The following BAZ2A variants were observed in gnomAD, a reference collection of about 807,000 sequenced individuals.
BAZ2A encodes bromodomain adjacent to zinc finger domain protein 2A.
A neutral mutation model predicts 199.9 loss-of-function variants in BAZ2A; 34 were observed. That is an observed-to-expected ratio of 0.17 (90% confidence interval 0.13 to 0.23). BAZ2A has a LOEUF of 0.23. Among genes scored for constraint, BAZ2A ranks in the 10% least tolerant of loss-of-function variants. The probability of loss-of-function intolerance (pLI) is 1.00; values close to 1 mark genes in which losing one functional copy is unlikely to be tolerated. For synonymous variants in BAZ2A, 857 were observed against 883.9 expected (o/e 0.97, Z 0.54); for missense variants, 2,002 against 2,391.1 (o/e 0.84, Z 3.39).
At chr12:56,614,959 TCC>T (rs568686590) in intron 3 of BAZ2A, 53 bp downstream of exon 3, 2 of 1,507,698 alleles carry the variant, frequency 1.3e-6, no homozygotes, top group Non-Finnish European at 1.8e-6. Flanking sequence ...AAAGCCACTA[TCC>T]CCCCCGAGCT....
chr12:56,633,585 G>T (rs963486844), upstream of BAZ2A, among the ~76,000 whole-genome samples: 3 of 152,140 alleles, frequency 2.0e-5, no homozygotes, highest in African/African-American at 7.2e-5. Flanking sequence ...CTAGCAGGGA[G>T]ATGGCTCTTA....
chr12:56,627,957 A>C (rs1166922867), intron 1 of BAZ2A, among the ~76,000 whole-genome samples: 1 of 151,766 alleles, frequency 6.6e-6, no homozygotes, highest in Non-Finnish European at 1.5e-5. Context: ...CGAGGTGGGT[A>C]GATCACCTGA....
chr12:56,609,658 C>G, intron 10 of BAZ2A, 78 bp downstream of exon 10: 2 of 1,412,182 alleles, frequency 1.4e-6, no homozygotes, highest in South Asian at 2.5e-5. Context: ...CCTGGGAAAT[C>G]CAGGTATTAG....
At chr12:56,618,045 T>C (rs74990611) in intron 1 of BAZ2A, among the ~76,000 whole-genome samples, 2,270 of 152,270 alleles carry the variant, frequency 0.015, 67 homozygotes, top group African/African-American at 0.052. Context: ...ATCCTATCCA[T>C]AGCCCTAGAT....
chr12:56,630,329 G>C (rs1435947594), upstream of BAZ2A: 15 of 977,798 alleles, frequency 1.5e-5, no homozygotes, highest in South Asian at 2.4e-4. Flanking sequence ...GGAGGAGTGA[G>C]TCGGAGCCGG....
rs1232458623 is a variant in BAZ2A, at chr12:56,605,063, T to C, written c.2748+10A>G. The C allele has an allele frequency of 6.3e-7, 1 of 1,591,186 alleles. No individual in the cohort carries two copies. The highest frequency in any genetic ancestry group is 1.1e-5 in the South Asian group (1 of 88,810). ...TTGTCCTGGTTACTTTGGGAGGGACTTGCACTCACCTGACAGTAGGAGGGA... is the reference window on the plus strand; with the variant it reads ...TTGTCCTGGTTACTTTGGGAGGGACCTGCACTCACCTGACAGTAGGAGGGA... On this transcript the variant is annotated intron_variant, in intron 14 of 28. Transcript: ENST00000549884.
At chr12:56,604,088 C>A in intron 16 of BAZ2A, 129 bp downstream of exon 16, 1 of 840,492 alleles carries the variant, frequency 1.2e-6, no homozygotes. Flanking sequence ...CTAAACCATC[C>A]TGGGCCCTGG....
chr12:56,605,703 G>T (rs1950325379), intron 13 of BAZ2A, 127 bp downstream of exon 13: 2 of 1,085,646 alleles, frequency 1.8e-6, no homozygotes, highest in South Asian at 1.7e-5. Flanking sequence ...ATTACAGTGT[G>T]AGCCATGGCA....
intron 1 of BAZ2A, among the ~76,000 whole-genome samples, chr12:56,629,252 C>CCGT (rs1229796323): frequency 6.6e-6 from 1 of 152,142 alleles, no homozygotes; most frequent in Admixed American, 6.5e-5. Flanking sequence ...GCTATCCCCT[C>CCGT]CGTCGTCCCC....
At position 56,630,257 on chromosome 12, in the gene BAZ2A, G is replaced by A. The variant is rs1951265506; in HGVS notation, c.-135C>T. On this transcript the variant is annotated 5_prime_UTR_variant, in exon 1 of 29. Coordinates refer to ENST00000549884, the MANE Select transcript of BAZ2A (RefSeq NM_001300905.2). ...GAGGGGGTCTGGGGTCCGGGGTTCG[G>A]GAAGGGGGAGGGGGACGCGGCTCAA... The A allele has an allele frequency of 1.6e-5, 16 of 983,204 alleles. No individual in the cohort carries two copies. Among genetic ancestry groups the A allele is most frequent in the Non-Finnish European group, 1.8e-5 (15 of 827,924 alleles). 60.9% of individuals were successfully genotyped at this position (983,204 alleles called of 1,614,324 possible). A position where few individuals can be genotyped will look rare whatever the true frequency, so the allele number is the denominator to read the frequency against.
At position 56,612,237 on chromosome 12, in the gene BAZ2A, A is replaced by G. The variant is rs1228646689; in HGVS notation, c.1145T>C (p.Phe382Ser). Residue 382 changes from phenylalanine (F) to serine (S), a missense_variant, in exon 6 of 29, where the codon TTT becomes TCT. This residue lies in a region of BAZ2A where 641 missense variants were observed against 694.5 expected (regional missense o/e 0.92). Transcript: ENST00000549884. Reference sequence around the variant, plus strand: ...AGCGTCACTACCATTATTCAGGTCAAAGCTGTTATCTAGAATCCAAAGGGA... The same window carrying G: ...AGCGTCACTACCATTATTCAGGTCAGAGCTGTTATCTAGAATCCAAAGGGA... ...LGESVLQDNS[F>S]DLNNGSDAEQ... is the part of the protein sequence containing the mutation. 2 of 1,613,070 alleles carry G rather than the reference A, an allele frequency of 1.2e-6. No homozygotes were observed. Among genetic ancestry groups the G allele is most frequent in the East Asian group, 4.5e-5 (2 of 44,874 alleles).
At chr12:56,610,629 G>C (rs1482502228) in intron 7 of BAZ2A, 112 bp from the exon 8 acceptor site, 4 of 892,306 alleles carry the variant, frequency 4.5e-6, no homozygotes, top group Middle Eastern at 2.3e-4. Flanking sequence ...TGTATCTCTA[G>C]AACTGCATGC....
At chr12:56,638,020 C>A (rs76051986), upstream of BAZ2A, among the ~76,000 whole-genome samples, 191 of 152,248 alleles carry the variant, frequency 1.3e-3, 4 homozygotes, top group African/African-American at 4.5e-3. Flanking sequence ...CACCTGTAGC[C>A]CCAGCTACTC....
chr12:56,602,964 A>C (rs1950226616), intron 18 of BAZ2A, 107 bp from the exon 19 acceptor site: 1 of 1,281,854 alleles, frequency 7.8e-7, no homozygotes, highest in Admixed American at 2.4e-5. Context: ...CCCTCTATAA[A>C]AGTGATGCCA....
At chr12:56,614,571 G>A (rs964549393) in intron 3 of BAZ2A, among the ~76,000 whole-genome samples, 2 of 152,182 alleles carry the variant, frequency 1.3e-5, no homozygotes, top group African/African-American at 4.8e-5. Flanking sequence ...GACAAATAAT[G>A]ATATGCTCTG....
At position 56,595,819 on chromosome 12, in the gene BAZ2A, G is replaced by A. The variant is rs1404836452; in HGVS notation, c.*2799C>T. ...CATCCACACAGAGGGTATGGAACAG[G>A]AGCCCCTGTTGTTCCCTTGCCTGTG... On this transcript the variant is annotated 3_prime_UTR_variant, in exon 29 of 29. Coordinates refer to ENST00000549884, the MANE Select transcript of BAZ2A (RefSeq NM_001300905.2). 6.6e-6 allele frequency: 1 copy of A among 152,588 alleles called. No homozygotes were observed. The highest frequency in any genetic ancestry group is 1.5e-5 in the Non-Finnish European group (1 of 68,062). 9.5% of individuals were successfully genotyped at this position (152,588 alleles called of 1,614,324 possible). A position where few individuals can be genotyped will look rare whatever the true frequency, so the allele number is the denominator to read the frequency against.
intron 27 of BAZ2A, 23 bp downstream of exon 27, chr12:56,599,106 C>T (rs1175909057): frequency 6.2e-7 from 1 of 1,601,234 alleles, no homozygotes; most frequent in Non-Finnish European, 8.5e-7. Context: ...GCCAACTGTC[C>T]CCCCAGGATT....
chr12:56,634,916 C>A, upstream of BAZ2A: 1 of 985,230 alleles, frequency 1.0e-6, no homozygotes, highest in Non-Finnish European at 1.2e-6. Flanking sequence ...CAAGGGACTC[C>A]GGAGCTGGAG....
intron 10 of BAZ2A, among the ~76,000 whole-genome samples, chr12:56,606,972 C>A (rs1950378091): frequency 6.6e-6 from 1 of 152,040 alleles, no homozygotes. Context: ...GAAGCACCAG[C>A]CCCTGGCTCC....
Sources: allele counts gnomAD v4.1 joint callset (sites outside exome capture counted in the v4.1 genomes callset), GRCh38; gene constraint gnomAD v4.1.1; regional missense constraint gnomAD v4.1.1; transcripts MANE v1.5; gene names NCBI Gene and HGNC (gene_info 2026-07-23, HGNC 2026-07-21).